FBXL22: variants seen among roughly 807,000 people sequenced by gnomAD.
FBXL22 encodes the protein F-box and leucine-rich protein 22.
FBXL22 carries 13 observed loss-of-function variants against 11.7 expected under a neutral mutation model. The ratio of observed to expected loss-of-function variants is 1.11; its 90% CI spans 0.73 to 1.77. The LOEUF (loss-of-function observed/expected upper bound fraction) is 1.77, where lower values mean the gene tolerates loss of function less well. Among genes scored for constraint, FBXL22 ranks in the 40% most tolerant of loss-of-function variants. The probability of loss-of-function intolerance (pLI) is 0.00; values close to 1 mark genes in which losing one functional copy is unlikely to be tolerated. For missense variants in FBXL22, 406 were observed against 320.4 expected, an observed-to-expected ratio of 1.27 and a Z score of -2.04; for synonymous variants, 160 against 144.1, an observed-to-expected ratio of 1.11 and a Z score of -0.79.
downstream of FBXL22, among the ~76,000 whole-genome samples, chr15:63,606,340 G>A (rs1181903816): frequency 6.6e-6 from 1 of 152,226 alleles, no homozygotes; most frequent in East Asian, 1.9e-4. Context: ...TTTGAAGGAT[G>A]TCTGGAGAAA....
intron 1 of FBXL22, chr15:63,599,814 C>G: frequency 1.0e-6 from 1 of 985,886 alleles, no homozygotes; most frequent in Middle Eastern, 5.2e-4. Flanking sequence ...CAGGCTGGTC[C>G]CGTTTGTTTC....
rs933743222 is a variant in FBXL22 at position 63,597,677 on chromosome 15, C to T, written c.285C>T (p.Ala95=). Residue 95 remains alanine (A), a synonymous_variant, in exon 1 of 2, where the codon GCC becomes GCT. Coordinates refer to ENST00000638704, the MANE Select transcript of FBXL22 (RefSeq NM_001367807.1). This position sits in a 1 kb window ranked among gnomAD's most constrained non-coding sequence, Gnocchi z 4.3. ...VCSIEDWLKS[A]FQRSICSRHE... ...GCATTGAGGACTGGCTCAAGAGTGCCTTCCAGAGAAGCATCTGCAGCCGGC... is the reference window on the plus strand; with the variant it reads ...GCATTGAGGACTGGCTCAAGAGTGCTTTCCAGAGAAGCATCTGCAGCCGGC... 8 of 1,603,000 alleles carry T rather than the reference C, an allele frequency of 5.0e-6. No individual in the cohort carries two copies. Among genetic ancestry groups the T allele is most frequent in the Non-Finnish European group, 6.8e-6 (8 of 1,172,094 alleles).
At chr15:63,608,408 C>T in the FBXL22 span, among the ~76,000 whole-genome samples, 1 of 152,144 alleles carries the variant, frequency 6.6e-6, no homozygotes, top group African/African-American at 2.4e-5. Flanking sequence ...TAGGGGCTTC[C>T]AACCCAGAGG....
At chr15:63,601,711 C>T, downstream of FBXL22, 2 of 1,596,158 alleles carry the variant, frequency 1.3e-6, no homozygotes, top group South Asian at 1.1e-5. Context: ...GTAGAAAATT[C>T]GCTCCCAATT....
chr15:63,598,235 T>C (rs981387656), intron 1 of FBXL22, among the ~76,000 whole-genome samples: 18 of 152,188 alleles, frequency 1.2e-4, no homozygotes, highest in African/African-American at 4.1e-4. Flanking sequence ...GTAGATGAAT[T>C]ACTGATTTAC....
intron 1 of FBXL22, chr15:63,600,194 G>T: frequency 1.0e-6 from 1 of 986,370 alleles, no homozygotes; most frequent in East Asian, 1.1e-4. Context: ...TGCCCCCACC[G>T]CCTTGAGGGT....
Position 63,600,743 on chromosome 15 carries a change from A to G in FBXL22, c.400A>G (p.Thr134Ala), listed in dbSNP as rs1010621934. The change falls in exon 2 of 2, where the codon ACC becomes GCC. Residue 134 changes from threonine to alanine, a missense_variant. Physicochemically the swap from Thr to Ala is moderately conservative, Grantham distance 58. Transcript: ENST00000638704. Reference protein sequence around the residue: ...SVTLSGCGHVTDDCLARLLRC... With the variant: ...SVTLSGCGHVADDCLARLLRC... ...CACGCTCTCGGGCTGCGGCCACGTT[A>G]CCGACGACTGCCTGGCGCGCCTGCT... 67 of 1,231,352 alleles carry G rather than the reference A, an allele frequency of 5.4e-5. No homozygotes were observed. The highest frequency in any genetic ancestry group is 6.3e-5 in the Non-Finnish European group (62 of 987,778). The allele number at this position is 1,231,352 out of a possible 1,614,324, so 76.3% of individuals were successfully genotyped here. A position where few individuals can be genotyped will look rare whatever the true frequency, so the allele number is the denominator to read the frequency against.
downstream of FBXL22, among the ~76,000 whole-genome samples, chr15:63,602,823 A>G (rs1046595332): frequency 6.6e-6 from 1 of 152,198 alleles, no homozygotes; most frequent in Non-Finnish European, 1.5e-5. Context: ...GGCATGGCTC[A>G]TGTGCAAGGA....
downstream of FBXL22, chr15:63,601,470 C>T: frequency 6.4e-7 from 1 of 1,562,850 alleles, no homozygotes. Flanking sequence ...GTCTGGGGAG[C>T]CTCCGGGCGG....
chr15:63,599,300 T>C (rs562669763), intron 1 of FBXL22: 2 of 1,483,220 alleles, frequency 1.3e-6, no homozygotes, highest in Admixed American at 2.5e-5. Context: ...TCTTTGTTTT[T>C]TCCCTGTATC....
chr15:63,604,333 C>T (rs1321700449), downstream of FBXL22, among the ~76,000 whole-genome samples: 2 of 152,162 alleles, frequency 1.3e-5, no homozygotes, highest in Non-Finnish European at 2.9e-5. Context: ...CCCCCCTTTC[C>T]CATGGAAGCT....
chr15:63,598,811 C>A (rs2067317078), intron 1 of FBXL22, among the ~76,000 whole-genome samples: 1 of 152,168 alleles, frequency 6.6e-6, no homozygotes. Flanking sequence ...CTGGACAAGG[C>A]TATTTTGATG....
chr15:63,604,196 TTTC>T (rs1291618289), downstream of FBXL22, among the ~76,000 whole-genome samples: 1 of 152,190 alleles, frequency 6.6e-6, no homozygotes, highest in East Asian at 1.9e-4. Flanking sequence ...CCAAACCTGT[TTTC>T]TTATCTGAGT....
Position 63,597,668 on chromosome 15 carries a change from CAA to C in FBXL22, c.277_278del (p.Lys93GlufsTer17). ...AGGTGTGCAGCATTGAGGACTGGCT[CAA>C]GAGTGCCTTCCAGAGAAGCATCTGC... ...VQVCSIEDWL[K>X]SAFQRSICSR... On this transcript the variant is annotated frameshift_variant, in exon 1 of 2. Coordinates refer to ENST00000638704, the MANE Select transcript of FBXL22 (RefSeq NM_001367807.1). LOFTEE classifies it high-confidence loss of function. This position sits in a 1 kb window ranked among gnomAD's most constrained non-coding sequence, Gnocchi z 4.3. The C allele has an allele frequency of 1.9e-6, 3 of 1,606,910 alleles. No individual in the cohort carries two copies. Among genetic ancestry groups the C allele is most frequent in the Non-Finnish European group, 2.6e-6 (3 of 1,175,120 alleles).
At chr15:63,606,818 C>T (rs920467872), downstream of FBXL22, among the ~76,000 whole-genome samples, 6 of 152,226 alleles carry the variant, frequency 3.9e-5, no homozygotes, top group African/African-American at 7.2e-5. Flanking sequence ...TGTCTGTTAG[C>T]CCTGAGCCCA....
rs1352093698 is a variant in FBXL22, at chr15:63,597,490, C to T, written c.98C>T (p.Ala33Val). The T allele has an allele frequency of 6.2e-7, 1 of 1,614,152 alleles. No individual in the cohort carries two copies. The highest frequency in any genetic ancestry group is 1.7e-5 in the Admixed American group (1 of 60,034). Residue 33 changes from alanine (A) to valine (V), a missense_variant, in exon 1 of 2, where the codon GCC (alanine) becomes GTC (valine). By Grantham distance (64) the Ala-to-Val change is moderately conservative. Transcript: ENST00000638704. The surrounding 1 kb of genome is among the most constrained non-coding windows in gnomAD (Gnocchi z 4.3). ...GACAAGGACAGCAGGAAGAGCCTTGCCAGGACCTGCTCCCAGCTCCACGAC... is the reference window on the plus strand; with the variant it reads ...GACAAGGACAGCAGGAAGAGCCTTGTCAGGACCTGCTCCCAGCTCCACGAC... Reference protein sequence around the residue: ...FLDKDSRKSLARTCSQLHDVF... With the variant: ...FLDKDSRKSLVRTCSQLHDVF...
downstream of FBXL22, among the ~76,000 whole-genome samples, chr15:63,603,995 G>A (rs912958158): frequency 2.0e-5 from 3 of 152,194 alleles, no homozygotes; most frequent in Admixed American, 6.5e-5. Flanking sequence ...CTACAACAGA[G>A]CCACTTAAAC....
chr15:63,602,668 G>A (rs1006770362), downstream of FBXL22, among the ~76,000 whole-genome samples: 1 of 151,980 alleles, frequency 6.6e-6, no homozygotes, highest in African/African-American at 2.4e-5. Context: ...AGGGATTGCT[G>A]GCAAGAGATT....
Position 63,600,949 on chromosome 15 carries a change from G to C in FBXL22, c.606G>C (p.Leu202=). The C allele has an allele frequency of 8.3e-7, 1 of 1,198,520 alleles. No individual in the cohort carries two copies. Among genetic ancestry groups the C allele is most frequent in the Non-Finnish European group, 1.0e-6 (1 of 966,616 alleles). 74.2% of individuals were successfully genotyped at this position (1,198,520 alleles called of 1,614,324 possible). A position where few individuals can be genotyped will look rare whatever the true frequency, so the allele number is the denominator to read the frequency against. The change falls in exon 2 of 2, where the codon CTG becomes CTC. Residue 202 remains leucine (L), a synonymous_variant. Transcript: ENST00000638704. The stretch of plus-strand genomic sequence containing the variant: ...GCGCCGCGTGCCCGCGCCTGGCCCT[G>C]CGGGCAGAGCACAGCGCCGCCATGC... ...RLRAACPRLA[L]RAEHSAAMLP...
Sources: allele counts gnomAD v4.1 joint callset (sites outside exome capture counted in the v4.1 genomes callset), GRCh38; gene constraint gnomAD v4.1.1; non-coding constraint Gnocchi (gnomAD v3.1); transcripts MANE v1.5; gene names NCBI Gene and HGNC (gene_info 2026-07-23, HGNC 2026-07-21).